TMC1: variants seen among roughly 807,000 people sequenced by gnomAD.
TMC1 encodes transmembrane channel like 1.
Under a neutral mutation model 105.8 loss-of-function variants are expected in TMC1, and 84 were observed. The observed-to-expected ratio is 0.79, with a 90% CI of 0.67 to 0.95. TMC1 has a LOEUF of 0.95. TMC1 is among the 40% of genes least tolerant of loss of function. The probability of loss-of-function intolerance (pLI) is 0.00; values close to 1 mark genes in which losing one functional copy is unlikely to be tolerated. For missense variants in TMC1, 817 were observed against 914.1 expected, an observed-to-expected ratio of 0.89 and a Z score of 1.37; for synonymous variants, 315 against 311.5, an observed-to-expected ratio of 1.01 and a Z score of -0.12.
chr9:72,625,039 T>G (rs1429365582), intron 3 of TMC1, among the ~76,000 whole-genome samples: 1 of 152,240 alleles, frequency 6.6e-6, no homozygotes, highest in Admixed American at 6.5e-5. Context: ...AAAACATGTC[T>G]GAAAATTCTT....
At position 72,772,683 on chromosome 9, in the gene TMC1, A is replaced by G. The variant is rs1827950049; in HGVS notation, c.884+128A>G. 3 of 1,276,820 alleles carry G rather than the reference A, an allele frequency of 2.3e-6. No individual in the cohort carries two copies. In the South Asian group the frequency reaches 3.6e-5, roughly 15 times the overall value. 79.1% of individuals were successfully genotyped at this position (1,276,820 alleles called of 1,614,324 possible). On this transcript the variant is annotated intron_variant, in intron 13 of 23. Coordinates refer to ENST00000297784, the MANE Select transcript of TMC1 (RefSeq NM_138691.3). The stretch of plus-strand genomic sequence containing the variant: ...AAGGAAACAGAGTCTGTAAGAGATG[A>G]AATGTAGTTTTAATACCAACACTAA...
chr9:72,707,659 A>C (rs550018951), intron 8 of TMC1, among the ~76,000 whole-genome samples: 1 of 151,962 alleles, frequency 6.6e-6, no homozygotes, highest in East Asian at 1.9e-4. Flanking sequence ...TCTGGATATT[A>C]GTCTTTGTCA....
At chr9:72,648,250 A>C (rs898836150) in intron 4 of TMC1, among the ~76,000 whole-genome samples, 1 of 152,148 alleles carries the variant, frequency 6.6e-6, no homozygotes, top group African/African-American at 2.4e-5. Context: ...ACTCACTTAC[A>C]CTGCCCTCAA....
At chr9:72,625,623 G>A (rs1308373254) in intron 3 of TMC1, among the ~76,000 whole-genome samples, 1 of 151,162 alleles carries the variant, frequency 6.6e-6, no homozygotes. Flanking sequence ...AGGAGGCGGA[G>A]CTTGCAGTGA....
At chr9:72,605,160 G>C (rs547659131) in intron 2 of TMC1, among the ~76,000 whole-genome samples, 1 of 152,300 alleles carries the variant, frequency 6.6e-6, no homozygotes, top group South Asian at 2.1e-4. Flanking sequence ...GATTCCGAAA[G>C]ACAAATCACT....
rs1188064763 is a variant in TMC1, at chr9:72,559,098, CT to C, written c.-427-18790del. Among the ~76,000 whole-genome samples, 1,152 of 142,218 alleles carry C rather than the reference CT, an allele frequency of 8.1e-3. 11 individuals are homozygous for C. The highest frequency in any genetic ancestry group is 0.023 in the African/African-American group (911 of 39,124). 93.3% of individuals were successfully genotyped at this position (142,218 alleles called of 152,430 possible). On this transcript the variant is annotated intron_variant, in intron 1 of 23. Transcript: ENST00000297784. ...TAAGAAATGAGCCTGGAAGATTTTT[CT>C]TTTTTTTTTTTTTGAGATGGAGTCT... is the stretch of plus-strand genomic sequence containing the variant.
chr9:72,597,221 C>A (rs1320162279), intron 2 of TMC1, among the ~76,000 whole-genome samples: 2 of 152,204 alleles, frequency 1.3e-5, no homozygotes, highest in African/African-American at 4.8e-5. Flanking sequence ...AAAGTCCTAG[C>A]ACTAAGATTT....
intron 4 of TMC1, among the ~76,000 whole-genome samples, chr9:72,630,791 T>C (rs1425356295): frequency 2.6e-5 from 4 of 152,068 alleles, no homozygotes; most frequent in African/African-American, 9.7e-5. Flanking sequence ...CCACAGAATG[T>C]TAATAATCAT....
At chr9:72,806,734 C>T (rs1049756760) in intron 18 of TMC1, among the ~76,000 whole-genome samples, 2 of 151,506 alleles carry the variant, frequency 1.3e-5, no homozygotes, top group African/African-American at 4.9e-5. Context: ...CTCCTCACTT[C>T]CTAGGTGGGA....
chr9:72,803,395 A>G (rs146416765), intron 17 of TMC1, among the ~76,000 whole-genome samples: 3 of 152,336 alleles, frequency 2.0e-5, no homozygotes, highest in Middle Eastern at 3.4e-3. Context: ...AACTAATTAA[A>G]CTAAAGAGCT....
In TMC1 at chr9:72,535,400, C is replaced by T. The variant is rs535944731; in HGVS notation, c.-428+13487C>T. 2.0e-5 allele frequency among the ~76,000 whole-genome samples: 3 copies of T among 152,318 alleles called. No individual in the cohort carries two copies. The South Asian group carries it at 6.2e-4, about 32-fold the overall frequency. On this transcript the variant is annotated intron_variant, in intron 1 of 23. Coordinates refer to ENST00000297784, the MANE Select transcript of TMC1 (RefSeq NM_138691.3). ...TTGATCCTGACCTACATGTCCTCTT[C>T]CCTTGATTGCATTTAAATTTAGCTG...
intron 10 of TMC1, among the ~76,000 whole-genome samples, chr9:72,751,188 A>G: frequency 6.6e-6 from 1 of 152,114 alleles, no homozygotes; most frequent in Admixed American, 6.5e-5. Flanking sequence ...TCCATACCTC[A>G]CTAAAATGTA....
Position 72,546,946 on chromosome 9 carries a change from G to A in TMC1, c.-428+25033G>A, listed in dbSNP as rs547789882. On this transcript the variant is annotated intron_variant, in intron 1 of 23. Coordinates refer to ENST00000297784, the MANE Select transcript of TMC1 (RefSeq NM_138691.3). ...TTGTGTGTGGGAAAGCCTTTTCATT[G>A]TTATACTTACAATCTTCAGCATGGT... 2.0e-5 allele frequency among the ~76,000 whole-genome samples: 3 copies of A among 152,106 alleles called. No individual in the cohort carries two copies. In the South Asian group the frequency reaches 6.2e-4, roughly 32 times the overall value.
At chr9:72,780,348 C>T (rs1049258479) in intron 13 of TMC1, among the ~76,000 whole-genome samples, 2 of 152,266 alleles carry the variant, frequency 1.3e-5, no homozygotes, top group Non-Finnish European at 2.9e-5. Flanking sequence ...AGCAACTACA[C>T]AATCAAGTCC....
chr9:72,683,352 C>T (rs1019128422), intron 5 of TMC1, among the ~76,000 whole-genome samples: 1 of 152,074 alleles, frequency 6.6e-6, no homozygotes, highest in Non-Finnish European at 1.5e-5. Flanking sequence ...TACATGCATA[C>T]ACATGTGTAA....
rs113598491 is a variant in TMC1, at chr9:72,700,251, C to CA, written c.237-254dup. ...GGGTGACAAGAGCAAAACTCCATCT[C>CA]AAAAAAAAAAAAAGAAAAGAAAAGA... On this transcript the variant is annotated intron_variant, in intron 7 of 23. Transcript: ENST00000297784. Among the ~76,000 whole-genome samples the CA allele has an allele frequency of 5.9e-3, 578 of 97,620 alleles. No homozygotes were observed. The highest frequency in any genetic ancestry group is 0.013 in the African/African-American group (347 of 26,068). The allele number at this position is 97,620 out of a possible 152,430, so 64.0% of individuals were successfully genotyped here.
At chr9:72,714,667 G>A (rs371091411) in intron 8 of TMC1, among the ~76,000 whole-genome samples, 61 of 152,112 alleles carry the variant, frequency 4.0e-4, no homozygotes, top group African/African-American at 1.3e-3. Flanking sequence ...GTCTTTGCAC[G>A]TCAGATGGGT....
At chr9:72,564,040 C>T (rs1489521323) in intron 1 of TMC1, among the ~76,000 whole-genome samples, 1 of 151,844 alleles carries the variant, frequency 6.6e-6, no homozygotes, top group East Asian at 1.9e-4. Context: ...ATATCACTGT[C>T]TTGATGATAT....
intron 7 of TMC1, among the ~76,000 whole-genome samples, chr9:72,696,899 C>A (rs1418571770): frequency 6.6e-6 from 1 of 152,162 alleles, no homozygotes; most frequent in Non-Finnish European, 1.5e-5. Flanking sequence ...TTAGATGAGG[C>A]ATGCCTATGC....
Sources: gnomAD v4.1 joint callset for allele counts (sites outside exome capture counted in the v4.1 genomes callset) on GRCh38, gnomAD v4.1.1 for gene constraint, MANE v1.5 for transcripts, NCBI Gene and HGNC (gene_info 2026-07-23, HGNC 2026-07-21) for gene names.